Variants in BMP3 observed in about 807,000 individuals in gnomAD.
BMP3 encodes bone morphogenetic protein 3.
A neutral mutation model predicts 38.1 loss-of-function variants in BMP3; 23 were observed. The observed-to-expected ratio is 0.60, with a 90% CI of 0.43 to 0.86. The LOEUF (loss-of-function observed/expected upper bound fraction) is 0.86. Ranked by LOEUF, BMP3 falls within the 40% of genes least tolerant of loss-of-function variation. The pLI, the probability that BMP3 is intolerant of heterozygous loss-of-function variation, is 0.00. For synonymous variants in BMP3, 258 were observed against 225.7 expected, an observed-to-expected ratio of 1.14 and a Z score of -1.28; for missense variants, 628 against 579.6, an observed-to-expected ratio of 1.08 and a Z score of -0.86.
At chr4:81,049,555 C>T (rs1740349243) in intron 2 of BMP3, among the ~76,000 whole-genome samples, 1 of 152,162 alleles carries the variant, frequency 6.6e-6, no homozygotes, top group Non-Finnish European at 1.5e-5. Flanking sequence ...GGAAGTTTGG[C>T]TGTTACATAG....
At position 81,053,506 on chromosome 4, in the gene BMP3, C is replaced by T. The variant is rs763452371; in HGVS notation, c.1389C>T (p.Asn463=). 6.3e-7 allele frequency: 1 copy of T among 1,592,172 alleles called. No homozygotes were observed. Among genetic ancestry groups the T allele is most frequent in the South Asian group, 1.1e-5 (1 of 87,528 alleles). Residue 463 remains asparagine (N), a synonymous_variant, in exon 3 of 3, where the codon AAC becomes AAT. Transcript: ENST00000282701. ...ATGTAGTGCTTAAAGTATACCCTAACATGACAGTAGAGTCTTGCGCTTGCA... is the reference window on the plus strand; with the variant it reads ...ATGTAGTGCTTAAAGTATACCCTAATATGACAGTAGAGTCTTGCGCTTGCA... ...NKNVVLKVYP[N]MTVESCACR is the part of the protein sequence containing the mutation.
chr4:81,051,624 A>G (rs1740401660), intron 2 of BMP3, among the ~76,000 whole-genome samples: 1 of 152,222 alleles, frequency 6.6e-6, no homozygotes, highest in Admixed American at 6.5e-5. Context: ...AATTACCAAT[A>G]GCAATAACAA....
At chr4:81,035,969 C>T (rs2109902452) in intron 1 of BMP3, among the ~76,000 whole-genome samples, 1 of 152,044 alleles carries the variant, frequency 6.6e-6, no homozygotes. Flanking sequence ...CCATGCAGTA[C>T]CTATCTCAGT....
At position 81,031,515 on chromosome 4, in the gene BMP3, C is replaced by A. The variant is rs766208475; in HGVS notation, c.231C>A (p.Gly77=). Residue 77 remains glycine, a synonymous_variant, in exon 1 of 3, where the codon GGC becomes GGA. Transcript: ENST00000282701. ...YSTVQAARTP[G]SLEGGSQPWR... ...CGGTCCAGGCGGCCCGGACACCGGG[C>A]TCCCTGGAGGGAGGCTCGCAGCCCT... 6.2e-6 allele frequency: 10 copies of A among 1,612,678 alleles called. No homozygotes were observed. The highest frequency in any genetic ancestry group is 1.7e-4 in the Middle Eastern group (1 of 6,060).
intron 2 of BMP3, among the ~76,000 whole-genome samples, chr4:81,049,628 C>G (rs1740351268): frequency 6.6e-6 from 1 of 152,128 alleles, no homozygotes; most frequent in South Asian, 2.1e-4. Flanking sequence ...CTAGTGGTTC[C>G]CTTTAAGCCT....
rs1202860080 is a variant in BMP3 at position 81,053,764 on chromosome 4, A to G, written c.*228A>G. The G allele has an allele frequency of 3.2e-6, 1 of 315,658 alleles. No individual in the cohort carries two copies. The highest frequency in any genetic ancestry group is 5.7e-6 in the Non-Finnish European group (1 of 174,420). The allele number at this position is 315,658 out of a possible 1,614,324, so 19.6% of individuals were successfully genotyped here. A position where few individuals can be genotyped will look rare whatever the true frequency, so the allele number is the denominator to read the frequency against. The stretch of plus-strand genomic sequence containing the variant: ...AGCAAGATTTTTAGTAAATATGGAC[A>G]TCTATTTCTCTTTTTGTAATCAAAC... On this transcript the variant is annotated 3_prime_UTR_variant, in exon 3 of 3. Transcript: ENST00000282701.
intron 1 of BMP3, among the ~76,000 whole-genome samples, chr4:81,035,653 A>G (rs1467939256): frequency 6.6e-6 from 1 of 152,110 alleles, no homozygotes; most frequent in Non-Finnish European, 1.5e-5. Flanking sequence ...TTTTTCAAAC[A>G]TACTGAGCTC....
At chr4:81,031,838 G>A (rs1230148807) in intron 1 of BMP3, among the ~76,000 whole-genome samples, 1 of 152,154 alleles carries the variant, frequency 6.6e-6, no homozygotes, top group African/African-American at 2.4e-5. Flanking sequence ...TGAAGGCGCG[G>A]AGCAGTGGAG....
rs115919851 is a variant in BMP3 at position 81,031,174 on chromosome 4, C to G, written c.-111C>G. 3.2e-3 allele frequency: 3,850 copies of G among 1,217,620 alleles called. 85 individuals are homozygous for G. In the African/African-American group the frequency reaches 0.054, roughly 17 times the overall value. 75.4% of individuals were successfully genotyped at this position (1,217,620 alleles called of 1,614,324 possible). A position where few individuals can be genotyped will look rare whatever the true frequency, so the allele number is the denominator to read the frequency against. ...GGCCGCGTCCCGGGCTCCGTGCGCCCTCGCCCCAGCTGGTTTGGAGTTCAA... is the reference window on the plus strand; with the variant it reads ...GGCCGCGTCCCGGGCTCCGTGCGCCGTCGCCCCAGCTGGTTTGGAGTTCAA... On this transcript the variant is annotated 5_prime_UTR_variant, in exon 1 of 3. Transcript: ENST00000282701.
At chr4:81,050,914 C>T (rs954405957) in intron 2 of BMP3, among the ~76,000 whole-genome samples, 12 of 151,902 alleles carry the variant, frequency 7.9e-5, no homozygotes, top group East Asian at 5.8e-4. Flanking sequence ...ACAGAAATTC[C>T]GGACTGGCAA....
chr4:81,037,435 C>A (rs1312213715), intron 1 of BMP3: 1 of 207,666 alleles, frequency 4.8e-6, no homozygotes. Flanking sequence ...GTTGGCTGAA[C>A]CGCTAAGAAG....
chr4:81,039,177 C>T (rs1253412659), intron 1 of BMP3, among the ~76,000 whole-genome samples: 1 of 152,180 alleles, frequency 6.6e-6, no homozygotes, highest in Non-Finnish European at 1.5e-5. Flanking sequence ...CAGCCAGTGA[C>T]TGAGGGTGGA....
At chr4:81,043,613 C>G (rs1052457987) in intron 1 of BMP3, among the ~76,000 whole-genome samples, 1 of 88,414 alleles carries the variant, frequency 1.1e-5, no homozygotes, top group Non-Finnish European at 2.2e-5. Flanking sequence ...TTTGAGACAG[C>G]GTCTCACTCT....
chr4:81,052,777 A>G (rs1388256655), intron 2 of BMP3, among the ~76,000 whole-genome samples: 1 of 152,190 alleles, frequency 6.6e-6, no homozygotes, highest in African/African-American at 2.4e-5. Context: ...AATTAAATAA[A>G]TCAATACCCC....
chr4:81,032,217 A>C (rs1009886374), intron 1 of BMP3, among the ~76,000 whole-genome samples: 1 of 143,126 alleles, frequency 7.0e-6, no homozygotes, highest in Non-Finnish European at 1.5e-5. Flanking sequence ...AAAAAAAAAA[A>C]AAACAGGTGC....
Position 81,040,994 on chromosome 4 carries a change from G to A in BMP3, c.317-4744G>A, listed in dbSNP as rs564772280. ...AAGACTAGAAAAGGTGAATATTAAG[G>A]TATTTTTTATTTACTGATATTCAAA... On this transcript the variant is annotated intron_variant, in intron 1 of 2. Coordinates refer to ENST00000282701, the MANE Select transcript of BMP3 (RefSeq NM_001201.5). Among the ~76,000 whole-genome samples the A allele has an allele frequency of 1.9e-4, 29 of 152,138 alleles. 1 individual carries two copies. The highest frequency in any genetic ancestry group is 6.7e-4 in the African/African-American group (28 of 41,488).
rs576998890 is a variant in BMP3 at position 81,030,905 on chromosome 4, C to G, written c.-380C>G. ...CCCAAAACAGAGCTAGTCCTAGTCC[C>G]TCGCGCGGCCAGTTTGGCCGGGTGT... is the stretch of plus-strand genomic sequence containing the variant. On this transcript the variant is annotated 5_prime_UTR_variant, in exon 1 of 3. Coordinates refer to ENST00000282701, the MANE Select transcript of BMP3 (RefSeq NM_001201.5). The G allele has an allele frequency of 4.7e-6, 1 of 214,632 alleles. No individual in the cohort carries two copies. Among genetic ancestry groups the G allele is most frequent in the Non-Finnish European group, 9.3e-6 (1 of 108,068 alleles). The allele number at this position is 214,632 out of a possible 1,614,324, so 13.3% of individuals were successfully genotyped here.
In BMP3 at chr4:81,057,001, C is replaced by T. The variant is rs547394541; in HGVS notation, c.*3465C>T. The T allele has an allele frequency of 2.0e-5, 3 of 152,482 alleles. No individual in the cohort carries two copies. In the South Asian group the frequency reaches 6.2e-4, roughly 32 times the overall value. The allele number at this position is 152,482 out of a possible 1,614,324, so 9.4% of individuals were successfully genotyped here. A position where few individuals can be genotyped will look rare whatever the true frequency, so the allele number is the denominator to read the frequency against. On this transcript the variant is annotated 3_prime_UTR_variant, in exon 3 of 3. Coordinates refer to ENST00000282701, the MANE Select transcript of BMP3 (RefSeq NM_001201.5). ...GTTGGGTTAGGCATAGCTATGCACA[C>T]CTGATGTGTAAGATTAAAGAAGAGA...
intron 1 of BMP3, among the ~76,000 whole-genome samples, chr4:81,034,167 C>T (rs1436367776): frequency 6.6e-6 from 1 of 152,202 alleles, no homozygotes; most frequent in Non-Finnish European, 1.5e-5. Flanking sequence ...ATCCTAAATA[C>T]ACTTTCTGCT....
Sources: allele counts gnomAD v4.1 joint callset (sites outside exome capture counted in the v4.1 genomes callset), GRCh38; gene constraint gnomAD v4.1.1; transcripts MANE v1.5; gene names NCBI Gene and HGNC (gene_info 2026-07-23, HGNC 2026-07-21).